Variants in KLK6 observed in about 807,000 individuals in gnomAD.
KLK6 encodes the protein kallikrein related peptidase 6.
KLK6 carries 16 observed loss-of-function variants against 21.7 expected under a neutral mutation model. The ratio of observed to expected loss-of-function variants is 0.74; its 90% confidence interval spans 0.50 to 1.12. The LOEUF (loss-of-function observed/expected upper bound fraction) is 1.12. Among genes scored for constraint, KLK6 ranks in the 50% most tolerant of loss-of-function variants. The pLI, the probability that KLK6 is intolerant of heterozygous loss-of-function variation, is 0.00. For missense variants in KLK6, 276 were observed against 304.6 expected (o/e 0.91, Z 0.70); for synonymous variants, 116 against 120.1 (o/e 0.97, Z 0.22).
chr19:50,958,915 T>G lies in KLK6; in HGVS notation c.*249A>C. On this transcript the variant is annotated 3_prime_UTR_variant, in exon 7 of 7. Transcript: ENST00000310157. ...GGGAGAGGAGATGCCTAGAAGGGAT[T>G]TTCCTGTATTCTCTTAGTGGTGGGG... 2.0e-6 allele frequency: 1 copy of G among 508,876 alleles called. No homozygotes were observed. The allele number at this position is 508,876 out of a possible 1,614,324, so 31.5% of individuals were successfully genotyped here. A position where few individuals can be genotyped will look rare whatever the true frequency, so the allele number is the denominator to read the frequency against.
In KLK6 at chr19:50,959,319, G is replaced by T. The variant is rs757450147; in HGVS notation, c.583-3C>A. 4 of 1,612,744 alleles carry T rather than the reference G, an allele frequency of 2.5e-6. No individual in the cohort carries two copies. The South Asian group carries it at 4.4e-5, about 18-fold the overall frequency. ...ACCAGCGGACCCCCAGAATCACCCT[G>T]CAGGAAAGAGGGAGAAAGTCAGATA... On this transcript the variant is annotated splice_region_variant and splice_polypyrimidine_tract_variant and intron_variant, in intron 6 of 6. Transcript: ENST00000310157.
chr19:50,959,838 GA>G (rs2090793157), intron 6 of KLK6, among the ~76,000 whole-genome samples: 1 of 35,186 alleles, frequency 2.8e-5, no homozygotes, highest in Non-Finnish European at 5.4e-5. Flanking sequence ...AAGAGGAGAA[GA>G]AGGAGGAAGA....
Position 50,958,814 on chromosome 19 carries a change from C to G in KLK6, c.*350G>C, listed in dbSNP as rs2090757510. On this transcript the variant is annotated 3_prime_UTR_variant, in exon 7 of 7. Coordinates refer to ENST00000310157, the MANE Select transcript of KLK6 (RefSeq NM_002774.4). ...AAGGTACATCCCAAGGGGACACCGA[C>G]AGTAAGCAGCGGAGCTGGGATTCCA... 1 of 298,598 alleles carries G rather than the reference C, an allele frequency of 3.3e-6. No individual in the cohort carries two copies. 18.5% of individuals were successfully genotyped at this position (298,598 alleles called of 1,614,324 possible).
intron 2 of KLK6, chr19:50,968,333 C>T: frequency 3.3e-6 from 2 of 606,268 alleles, no homozygotes; most frequent in Non-Finnish European, 3.0e-6. Flanking sequence ...AGAACTACGT[C>T]CACTGGTCCA....
At chr19:50,962,886 A>T (rs1403904062) in intron 5 of KLK6, 1 of 204,394 alleles carries the variant, frequency 4.9e-6, no homozygotes, top group African/African-American at 2.3e-5. Context: ...CTCAATTCAC[A>T]TCCTTCAGTT....
chr19:50,967,547 A>T (rs562581847), intron 3 of KLK6, among the ~76,000 whole-genome samples: 26 of 151,340 alleles, frequency 1.7e-4, no homozygotes, highest in Non-Finnish European at 1.6e-4. Context: ...ACACACACAC[A>T]CACAAATTAG....
intron 3 of KLK6, among the ~76,000 whole-genome samples, 186 bp from the exon 4 acceptor site, chr19:50,967,511 C>A (rs1003471060): frequency 8.0e-6 from 1 of 125,566 alleles, no homozygotes; most frequent in Admixed American, 8.0e-5. Flanking sequence ...GACCTCATCT[C>A]CACACACACA....
intron 5 of KLK6, 131 bp from the exon 6 acceptor site, chr19:50,962,011 G>C: frequency 1.0e-6 from 1 of 961,044 alleles, no homozygotes; most frequent in Non-Finnish European, 1.5e-6. Context: ...CCCTCTTCCT[G>C]TTTGTCTCTC....
Position 50,967,017 on chromosome 19 carries a change from A to G in KLK6, c.197+152T>C, listed in dbSNP as rs1200086388. 8.2e-6 allele frequency: 6 copies of G among 733,016 alleles called. No individual in the cohort carries two copies. In the East Asian group the frequency reaches 1.3e-4, roughly 16 times the overall value. 45.4% of individuals were successfully genotyped at this position (733,016 alleles called of 1,614,324 possible). A position where few individuals can be genotyped will look rare whatever the true frequency, so the allele number is the denominator to read the frequency against. ...ATGCCCGCAGGGCCTGGCACACATT[A>G]AGTACTCAATTAAGCAACAGCCGAA... On this transcript the variant is annotated intron_variant, in intron 4 of 6. Transcript: ENST00000310157.
At chr19:50,960,371 G>T (rs2090822723) in intron 6 of KLK6, among the ~76,000 whole-genome samples, 1 of 151,946 alleles carries the variant, frequency 6.6e-6, no homozygotes, top group Non-Finnish European at 1.5e-5. Context: ...CCCCTTGGTT[G>T]GTCTCTGCAC....
chr19:50,969,485 C>G lies in KLK6; in HGVS notation c.-60+5G>C, dbSNP rs923978514. On this transcript the variant is annotated splice_donor_5th_base_variant and intron_variant, in intron 1 of 6. Coordinates refer to ENST00000310157, the MANE Select transcript of KLK6 (RefSeq NM_002774.4). The stretch of plus-strand genomic sequence containing the variant: ...GGTTCAGTGCGGTTGGGGTGACTCA[C>G]ACACCTGCCCGTAGGTCCCTCTGTG... The G allele has an allele frequency of 3.3e-5, 5 of 152,514 alleles. No individual in the cohort carries two copies. The highest frequency in any genetic ancestry group is 2.6e-4 in the Admixed American group (4 of 15,282). The allele number at this position is 152,514 out of a possible 1,614,324, so 9.4% of individuals were successfully genotyped here. A position where few individuals can be genotyped will look rare whatever the true frequency, so the allele number is the denominator to read the frequency against.
intron 6 of KLK6, 85 bp from the exon 7 acceptor site, chr19:50,959,401 G>C: frequency 8.4e-7 from 1 of 1,194,370 alleles, no homozygotes; most frequent in Non-Finnish European, 1.2e-6. Flanking sequence ...GTGTGTGTGT[G>C]TGTGTGTGAC....
intron 5 of KLK6, chr19:50,962,451 C>T (rs1195193115): frequency 2.0e-5 from 3 of 152,870 alleles, no homozygotes; most frequent in African/African-American, 7.2e-5. Context: ...TCCCCACCCT[C>T]CCTCATGGAT....
Position 50,964,302 on chromosome 19 carries a change from G to A in KLK6, c.198-753C>T, listed in dbSNP as rs2090893138. On this transcript the variant is annotated intron_variant, in intron 4 of 6. Transcript: ENST00000310157. ...TTGCCCAATTAAAATACAAATACCT[G>A]TTAGTAGGCAATTCCTATCTCCCTC... Among the ~76,000 whole-genome samples the A allele has an allele frequency of 2.0e-5, 3 of 152,100 alleles. No individual in the cohort carries two copies. The South Asian group carries it at 6.2e-4, about 32-fold the overall frequency.
intron 3 of KLK6, 132 bp from the exon 4 acceptor site, chr19:50,967,457 C>T (rs2090943872): frequency 3.6e-6 from 3 of 825,344 alleles, no homozygotes; most frequent in Admixed American, 3.0e-5. Flanking sequence ...GCAGGAGGAT[C>T]GCTTGAGCCC....
rs1381172062 is a variant in KLK6, at chr19:50,959,173, C to T, written c.726G>A (p.Gln242=). ...RYTNWIQKTI[Q]AK ...ATGTCACATGTCAGGGTCACTTGGC[C>T]TGAATGGTTTTTTGGATCCAGTTCG... is the stretch of plus-strand genomic sequence containing the variant. The change falls in exon 7 of 7, where the codon CAG becomes CAA. Residue 242 remains glutamine (Q), a synonymous_variant. Transcript: ENST00000310157. 1 of 1,614,076 alleles carries T rather than the reference C, an allele frequency of 6.2e-7. No homozygotes were observed. Among genetic ancestry groups the T allele is most frequent in the South Asian group, 1.1e-5 (1 of 91,084 alleles).
chr19:50,964,601 T>C (rs577481654), intron 4 of KLK6, among the ~76,000 whole-genome samples: 46 of 152,368 alleles, frequency 3.0e-4, no homozygotes, highest in African/African-American at 1.1e-3. Flanking sequence ...GGCTACCATA[T>C]TAGACAGTGC....
chr19:50,967,882 C>A (rs2090952142), intron 3 of KLK6, among the ~76,000 whole-genome samples, 183 bp downstream of exon 3: 1 of 151,260 alleles, frequency 6.6e-6, no homozygotes, highest in Non-Finnish European at 1.5e-5. Context: ...ATCTTCAAAC[C>A]CACCTCCCAC....
At chr19:50,960,512 G>C (rs1000736569) in intron 6 of KLK6, among the ~76,000 whole-genome samples, 1 of 152,110 alleles carries the variant, frequency 6.6e-6, no homozygotes, top group East Asian at 1.9e-4. Context: ...TCCAGAGCCT[G>C]GTCGTTTCTG....
Sources: gnomAD v4.1 joint callset for allele counts (sites outside exome capture counted in the v4.1 genomes callset) on GRCh38, gnomAD v4.1.1 for gene constraint, MANE v1.5 for transcripts, NCBI Gene and HGNC (gene_info 2026-07-23, HGNC 2026-07-21) for gene names.